Variants in ZFAT observed in about 807,000 individuals in gnomAD.
ZFAT encodes the protein zinc finger and AT-hook domain containing.
A neutral mutation model predicts 117.7 loss-of-function variants in ZFAT; 64 were observed. The ratio of observed to expected loss-of-function variants is 0.54; its 90% CI spans 0.44 to 0.67. The LOEUF (loss-of-function observed/expected upper bound fraction) is 0.67, where lower values mean the gene tolerates loss of function less well. Ranked by LOEUF, ZFAT falls within the 30% of genes least tolerant of loss-of-function variation. ZFAT has a pLI of 0.00. For synonymous variants in ZFAT, 679 were observed against 615.0 expected (o/e 1.10, Z -1.54); for missense variants, 1,433 against 1,584.5 (o/e 0.90, Z 1.62).
intron 9 of ZFAT, among the ~76,000 whole-genome samples, chr8:134,585,986 T>C (rs1015963962): frequency 3.9e-5 from 6 of 152,256 alleles, no homozygotes; most frequent in African/African-American, 1.4e-4. Flanking sequence ...TTTTTCAATT[T>C]AATTTTTTGG....
intron 12 of ZFAT, among the ~76,000 whole-genome samples, chr8:134,528,074 T>A (rs1821148484): frequency 6.6e-6 from 1 of 150,740 alleles, no homozygotes; most frequent in Non-Finnish European, 1.5e-5. Context: ...TGACCACGCC[T>A]CTTCCTTCTC....
intron 13 of ZFAT, among the ~76,000 whole-genome samples, chr8:134,514,190 A>G (rs2130410488): frequency 6.6e-6 from 1 of 152,314 alleles, no homozygotes; most frequent in Non-Finnish European, 1.5e-5. Context: ...CATCTCATGG[A>G]GATGAGTATG....
At chr8:134,499,962 A>T (rs1392699664) in intron 15 of ZFAT, among the ~76,000 whole-genome samples, 1 of 152,142 alleles carries the variant, frequency 6.6e-6, no homozygotes, top group African/African-American at 2.4e-5. Flanking sequence ...GTTTCCGGGA[A>T]TCCCTCCGGC....
At chr8:134,782,075 G>A in the ZFAT span, among the ~76,000 whole-genome samples, 4 of 152,250 alleles carry the variant, frequency 2.6e-5, no homozygotes, top group South Asian at 2.1e-4. Flanking sequence ...GGTGTTCAAA[G>A]GTCAACTGTA....
intron 3 of ZFAT, among the ~76,000 whole-genome samples, chr8:134,636,231 G>C (rs915746582): frequency 6.6e-6 from 1 of 152,228 alleles, no homozygotes; most frequent in African/African-American, 2.4e-5. Flanking sequence ...GTCAGAGTAG[G>C]ATGGCCTGGG....
chr8:134,646,187 C>T (rs1259401566), intron 2 of ZFAT, among the ~76,000 whole-genome samples: 2 of 151,900 alleles, frequency 1.3e-5, no homozygotes, highest in Non-Finnish European at 2.9e-5. Flanking sequence ...CCAGCCTGGG[C>T]GAAAGAGCGA....
At chr8:134,492,865 G>C (rs567456348) in intron 15 of ZFAT, among the ~76,000 whole-genome samples, 1 of 152,186 alleles carries the variant, frequency 6.6e-6, no homozygotes, top group Non-Finnish European at 1.5e-5. Flanking sequence ...GGCAATATGT[G>C]CAAGAAACTT....
chr8:134,699,464 C>T (rs917307956), intron 1 of ZFAT, among the ~76,000 whole-genome samples: 1 of 152,136 alleles, frequency 6.6e-6, no homozygotes, highest in Admixed American at 6.5e-5. Context: ...CTGCTGAGCC[C>T]GTTTCCTAAT....
At chr8:134,635,844 T>A (rs73711285) in intron 3 of ZFAT, among the ~76,000 whole-genome samples, 1 of 152,158 alleles carries the variant, frequency 6.6e-6, no homozygotes, top group Admixed American at 6.5e-5. Context: ...AAAAGGACTT[T>A]AGGTTCTGAA....
chr8:134,735,125 T>C, the ZFAT span, among the ~76,000 whole-genome samples: 1 of 152,220 alleles, frequency 6.6e-6, no homozygotes, highest in African/African-American at 2.4e-5. Context: ...TAATAATTTT[T>C]GTGTCAATGT....
At chr8:134,612,238 A>T (rs192174241) in intron 3 of ZFAT, among the ~76,000 whole-genome samples, 19 of 152,372 alleles carry the variant, frequency 1.2e-4, no homozygotes, top group African/African-American at 3.8e-4. Flanking sequence ...GAAGGGAAGC[A>T]GGGTGCGCAA....
chr8:134,763,630 A>T, the ZFAT span, among the ~76,000 whole-genome samples: 1 of 152,216 alleles, frequency 6.6e-6, no homozygotes, highest in Non-Finnish European at 1.5e-5. Context: ...AAGTACAGGA[A>T]TTTTTATATA....
At chr8:134,570,266 C>G (rs1824795095) in intron 10 of ZFAT, among the ~76,000 whole-genome samples, 1 of 152,130 alleles carries the variant, frequency 6.6e-6, no homozygotes, top group Non-Finnish European at 1.5e-5. Flanking sequence ...GTCCCTGTGC[C>G]CCTTTACTGA....
chr8:134,488,433 G>T (rs570927105), intron 15 of ZFAT, among the ~76,000 whole-genome samples: 1 of 152,362 alleles, frequency 6.6e-6, no homozygotes, highest in South Asian at 2.1e-4. Flanking sequence ...ATCAGCACCT[G>T]ATTTGCAAGA....
At position 134,583,803 on chromosome 8, in the gene ZFAT, G is replaced by T. The variant is rs767345364; in HGVS notation, c.2887+29C>A. The stretch of plus-strand genomic sequence containing the variant: ...CAGCTTCAAACCACACATTTAGAGG[G>T]GAAAGTTCACCTTGGGCCATTTACT... On this transcript the variant is annotated intron_variant, in intron 10 of 15. Coordinates refer to ENST00000377838, the MANE Select transcript of ZFAT (RefSeq NM_020863.4). 7 of 1,610,008 alleles carry T rather than the reference G, an allele frequency of 4.3e-6. 1 individual carries two copies. In the Admixed American group the frequency reaches 8.4e-5, roughly 19 times the overall value.
the ZFAT span, among the ~76,000 whole-genome samples, chr8:134,719,506 C>T: frequency 2.0e-5 from 3 of 152,114 alleles, no homozygotes; most frequent in African/African-American, 4.8e-5. Flanking sequence ...TAAGGGCTGC[C>T]GCCAGCTCGC....
the ZFAT span, among the ~76,000 whole-genome samples, chr8:134,805,240 C>T: frequency 5.6e-5 from 7 of 125,018 alleles, no homozygotes; most frequent in East Asian, 1.4e-3. Context: ...CCAACATATG[C>T]AAAAATAAGT....
At chr8:134,653,961 A>C (rs2131186730) in intron 2 of ZFAT, among the ~76,000 whole-genome samples, 1 of 152,298 alleles carries the variant, frequency 6.6e-6, no homozygotes, top group South Asian at 2.1e-4. Flanking sequence ...AGTTAGAAAA[A>C]CGTGCTTTCC....
intron 10 of ZFAT, among the ~76,000 whole-genome samples, chr8:134,581,065 G>C (rs1050101593): frequency 1.1e-4 from 17 of 152,010 alleles, no homozygotes; most frequent in African/African-American, 4.1e-4. Flanking sequence ...ACATCAACAA[G>C]ATAAAATATG....
Sources: allele counts gnomAD v4.1 joint callset (sites outside exome capture counted in the v4.1 genomes callset), GRCh38; gene constraint gnomAD v4.1.1; transcripts MANE v1.5; gene names NCBI Gene and HGNC (gene_info 2026-07-23, HGNC 2026-07-21).